TUBGCP6: variants seen among roughly 807,000 people sequenced by gnomAD.
TUBGCP6 encodes gamma-tubulin complex component 6.
TUBGCP6 carries 161 observed loss-of-function variants against 175.8 expected under a neutral mutation model. The observed-to-expected ratio is 0.92, with a 90% CI of 0.81 to 1.04. The LOEUF (loss-of-function observed/expected upper bound fraction) is 1.04. Among genes scored for constraint, TUBGCP6 ranks in the 50% least tolerant of loss-of-function variants. The pLI, the probability that TUBGCP6 is intolerant of heterozygous loss-of-function variation, is 0.00. For synonymous variants in TUBGCP6, 1,173 were observed against 1,030.5 expected, an observed-to-expected ratio of 1.14 and a Z score of -2.65; for missense variants, 2,572 against 2,433.0, an observed-to-expected ratio of 1.06 and a Z score of -1.20.
chr22:50,240,479 G>C, intron 1 of TUBGCP6, 112 bp from the exon 2 acceptor site: 2 of 1,327,716 alleles, frequency 1.5e-6, no homozygotes, highest in East Asian at 4.9e-5. Flanking sequence ...TGTTTCTTCT[G>C]TTTTTCTCAA....
In TUBGCP6 at chr22:50,222,716, C is replaced by G. The variant is rs1209172982; in HGVS notation, c.2271-124G>C. ...CAGTGGGCCCCCGCCCCCGTCTCCC[C>G]CTACCAGGGGCTGATAGCTCTGGGC... is the stretch of plus-strand genomic sequence containing the variant. On this transcript the variant is annotated intron_variant, in intron 13 of 24. Transcript: ENST00000248846. 1.2e-5 allele frequency: 16 copies of G among 1,388,696 alleles called. No individual in the cohort carries two copies. The South Asian group carries it at 1.4e-4, about 12-fold the overall frequency. The allele number at this position is 1,388,696 out of a possible 1,614,324, so 86.0% of individuals were successfully genotyped here.
intron 1 of TUBGCP6, among the ~76,000 whole-genome samples, chr22:50,243,304 T>G (rs959852047): frequency 7.2e-5 from 11 of 151,974 alleles, no homozygotes; most frequent in African/African-American, 2.7e-4. Flanking sequence ...AAAACTTAGC[T>G]GGGCGTGGTG....
chr22:50,229,369 A>G, intron 4 of TUBGCP6, 35 bp downstream of exon 4: 1 of 1,605,414 alleles, frequency 6.2e-7, no homozygotes, highest in East Asian at 2.2e-5. Flanking sequence ...CCGTTCTCAC[A>G]AAGGTGTGTG....
rs749917931 is a variant in TUBGCP6, at chr22:50,218,744, T to C, written c.4780A>G (p.Asn1594Asp). The change falls in exon 21 of 25, where the codon AAC (asparagine) becomes GAC (aspartate). Residue 1594 changes from asparagine to aspartate, a missense_variant. Physicochemically the swap from Asn to Asp is conservative, Grantham distance 23. Transcript: ENST00000248846. The part of the protein sequence containing the change: ...LKYLPEVFAP[N>D]APDVLSCLEL... ...AGGCAGCTCAGCACATCCGGGGCGT[T>C]GGGGGCAAACACCTCGGGCAGGTAC... 15 of 1,613,874 alleles carry C rather than the reference T, an allele frequency of 9.3e-6. No individual in the cohort carries two copies. The highest frequency in any genetic ancestry group is 1.3e-5 in the Non-Finnish European group (15 of 1,179,990).
chr22:50,244,203 G>A lies in TUBGCP6; in HGVS notation c.257C>T (p.Ala86Val). 1 of 1,613,338 alleles carries A rather than the reference G, an allele frequency of 6.2e-7. No individual in the cohort carries two copies. Among genetic ancestry groups the A allele is most frequent in the East Asian group, 2.2e-5 (1 of 44,894 alleles). The change falls in exon 1 of 25, where the codon GCC becomes GTC. Residue 86 changes from alanine (A) to valine (V), a missense_variant. Ala to Val is a moderately conservative substitution (Grantham distance 64). Coordinates refer to ENST00000248846, the MANE Select transcript of TUBGCP6 (RefSeq NM_020461.4). ...CTCCACAAGCTCCTCCAAACGGTCGGCCTTGGGGCCCAGGCCACCCACTCT... is the reference window on the plus strand; with the variant it reads ...CTCCACAAGCTCCTCCAAACGGTCGACCTTGGGGCCCAGGCCACCCACTCT... ...DLRVGGLGPK[A>V]DRLEELVEEL...
chr22:50,222,259 A>G (rs2064539355), intron 14 of TUBGCP6, among the ~76,000 whole-genome samples, 157 bp from the exon 15 acceptor site: 2 of 151,982 alleles, frequency 1.3e-5, no homozygotes, highest in Non-Finnish European at 2.9e-5. Flanking sequence ...TGCAAAAAGT[A>G]CTCCAAAACC....
chr22:50,239,994 G>A (rs552872290), intron 2 of TUBGCP6, among the ~76,000 whole-genome samples: 1 of 152,208 alleles, frequency 6.6e-6, no homozygotes, highest in South Asian at 2.1e-4. Context: ...TGGATGGGGA[G>A]GTGAGGCCTC....
intron 8 of TUBGCP6, 33 bp downstream of exon 8, chr22:50,226,254 C>T (rs201305769): frequency 1.4e-5 from 23 of 1,613,984 alleles, no homozygotes; most frequent in East Asian, 4.5e-5. Context: ...CCCACAGGCA[C>T]GGACCCCTGC....
chr22:50,239,679 C>T (rs2064816622), intron 2 of TUBGCP6, among the ~76,000 whole-genome samples: 1 of 152,206 alleles, frequency 6.6e-6, no homozygotes. Flanking sequence ...GACTGCCCCT[C>T]CCAACTCCTC....
At position 50,220,721 on chromosome 22, in the gene TUBGCP6, T is replaced by A. The variant is rs1392940040; in HGVS notation, c.3638A>T (p.Asn1213Ile). 6.2e-7 allele frequency: 1 copy of A among 1,610,610 alleles called. No individual in the cohort carries two copies. The highest frequency in any genetic ancestry group is 1.7e-5 in the Admixed American group (1 of 58,910). The change falls in exon 16 of 25, where the codon AAC becomes ATC. Residue 1213 changes from asparagine (N) to isoleucine (I), a missense_variant. Coordinates refer to ENST00000248846, the MANE Select transcript of TUBGCP6 (RefSeq NM_020461.4). ...SDMAPTRPRW[N>I]THGHVSDTSI... ...GGTGTCAGACACATGTCCGTGGGTG[T>A]TCCACCGTGGCCGGGTGGGAGCCAT...
chr22:50,220,038 G>T (rs183909336), intron 16 of TUBGCP6, 23 bp from the exon 17 acceptor site: 1 of 1,611,890 alleles, frequency 6.2e-7, no homozygotes, highest in Non-Finnish European at 8.5e-7. Flanking sequence ...AAGTGGACAC[G>T]AGGGCATCAG....
At chr22:50,239,188 T>G (rs1189523654) in intron 2 of TUBGCP6, among the ~76,000 whole-genome samples, 3 of 152,098 alleles carry the variant, frequency 2.0e-5, no homozygotes, top group Non-Finnish European at 4.4e-5. Flanking sequence ...TTGTTTGTTT[T>G]TTGTTTTTGA....
intron 1 of TUBGCP6, among the ~76,000 whole-genome samples, chr22:50,242,952 G>A (rs994532656): frequency 1.3e-5 from 2 of 152,232 alleles, no homozygotes; most frequent in Non-Finnish European, 2.9e-5. Context: ...CCGCCAGTAA[G>A]CCCACTCCAG....
rs2064528094 is a variant in TUBGCP6, at chr22:50,221,799, C to G, written c.2560G>C (p.Ala854Pro). ...CCTGGCCTGTTCCAGCCATCCCAGG[C>G]AGGCGAGTGTTGCTCTGCAGACCCA... Reference protein sequence around the residue: ...DSGSAEQHSPAWDGWNRPGLL... With the variant: ...DSGSAEQHSPPWDGWNRPGLL... The change falls in exon 16 of 25, where the codon GCC (alanine) becomes CCC (proline). Residue 854 changes from alanine (A) to proline (P), a missense_variant. Ala to Pro is a conservative substitution (Grantham distance 27). Transcript: ENST00000248846. 3 of 1,510,842 alleles carry G rather than the reference C, an allele frequency of 2.0e-6. No homozygotes were observed. The Admixed American group carries it at 6.8e-5, about 34-fold the overall frequency. The allele number at this position is 1,510,842 out of a possible 1,614,324, so 93.6% of individuals were successfully genotyped here. A position where few individuals can be genotyped will look rare whatever the true frequency, so the allele number is the denominator to read the frequency against.
In TUBGCP6 at chr22:50,218,770, T is replaced by C; in HGVS notation, c.4754A>G (p.Lys1585Arg). 1 of 1,614,026 alleles carries C rather than the reference T, an allele frequency of 6.2e-7. No individual in the cohort carries two copies. Among genetic ancestry groups the C allele is most frequent in the Non-Finnish European group, 8.5e-7 (1 of 1,179,974 alleles). Reference sequence around the variant, plus strand: ...GGGGGCAAACACCTCGGGCAGGTACTTGAGAGCGAGGGAGAGGTTGGAGGC... The same window carrying C: ...GGGGGCAAACACCTCGGGCAGGTACCTGAGAGCGAGGGAGAGGTTGGAGGC... Reference protein sequence around the residue: ...PHASNLSLALKYLPEVFAPNA... With the variant: ...PHASNLSLALRYLPEVFAPNA... The change falls in exon 21 of 25, where the codon AAG becomes AGG. Residue 1585 changes from lysine to arginine, a missense_variant. Lys to Arg is a conservative substitution (Grantham distance 26). Transcript: ENST00000248846.
chr22:50,221,902 T>C (rs1265813923), intron 15 of TUBGCP6, 28 bp from the exon 16 acceptor site: 2 of 1,535,984 alleles, frequency 1.3e-6, no homozygotes, highest in Admixed American at 2.0e-5. Context: ...TCAGACCCAG[T>C]CTGGTCTCAG....
rs1386243653 is a variant in TUBGCP6, at chr22:50,238,639, G to A, written c.905+1565C>T. Among the ~76,000 whole-genome samples the A allele has an allele frequency of 2.0e-5, 3 of 149,760 alleles. No individual in the cohort carries two copies. The East Asian group carries it at 6.2e-4, about 31-fold the overall frequency. On this transcript the variant is annotated intron_variant, in intron 2 of 24. Coordinates refer to ENST00000248846, the MANE Select transcript of TUBGCP6 (RefSeq NM_020461.4). ...TGCAAACTCCGCCTCCCGGGTTCACGCCATTCTCCTGCCTCAGCCTCCCCA... is the reference window on the plus strand; with the variant it reads ...TGCAAACTCCGCCTCCCGGGTTCACACCATTCTCCTGCCTCAGCCTCCCCA...
chr22:50,226,101 G>A lies in TUBGCP6; in HGVS notation c.1782C>T (p.Asp594=), dbSNP rs540014569. 3.1e-6 allele frequency: 5 copies of A among 1,614,180 alleles called. No individual in the cohort carries two copies. The Admixed American group carries it at 8.3e-5, about 27-fold the overall frequency. ...TAATGGTCTTTCCGCAGACGTATAT[G>A]TCGTGGGCAATGTGCTTCAGAAACA... The part of the protein sequence containing the change: ...VPVFLKHIAH[D]IYVCGKTINL... The change falls in exon 9 of 25, where the codon GAC becomes GAT. Residue 594 remains aspartate (D), a synonymous_variant. Transcript: ENST00000248846.
chr22:50,226,733 C>T lies in TUBGCP6; in HGVS notation c.1601G>A (p.Arg534Gln), dbSNP rs866801880. The stretch of plus-strand genomic sequence containing the variant: ...CGCGCCTGCCCAGCCCACTGCCCAC[C>T]GGGTGTAGGGCTCGCAGCTGGTCTT... ...LLKTSCEPYTRFIHDWVYSGV... is the reference protein window; with the variant it reads ...LLKTSCEPYTQFIHDWVYSGV... Residue 534 changes from arginine to glutamine, a missense_variant and splice_region_variant, in exon 7 of 25, where the codon CGG becomes CAG. Arg to Gln is a conservative substitution (Grantham distance 43). Transcript: ENST00000248846. 16 of 1,578,796 alleles carry T rather than the reference C, an allele frequency of 1.0e-5. No homozygotes were observed. Among genetic ancestry groups the T allele is most frequent in the African/African-American group, 6.7e-5 (5 of 74,764 alleles).
Sources: gnomAD v4.1 joint callset for allele counts (sites outside exome capture counted in the v4.1 genomes callset) on GRCh38, gnomAD v4.1.1 for gene constraint, MANE v1.5 for transcripts, NCBI Gene and HGNC (gene_info 2026-07-23, HGNC 2026-07-21) for gene names.